TLL2: variants seen among roughly 807,000 people sequenced by gnomAD.
TLL2 encodes the protein tolloid-like protein 2.
TLL2 carries 106 observed loss-of-function variants against 123.0 expected under a neutral mutation model. The observed-to-expected ratio is 0.86, with a 90% CI of 0.74 to 1.01. The LOEUF (loss-of-function observed/expected upper bound fraction) is 1.01, where lower values mean the gene tolerates loss of function less well. Among genes scored for constraint, TLL2 ranks in the 50% least tolerant of loss-of-function variants. The pLI is 0.00. For missense variants in TLL2, 1,332 were observed against 1,336.7 expected, an observed-to-expected ratio of 1.00 and a Z score of 0.06; for synonymous variants, 494 against 516.8, an observed-to-expected ratio of 0.96 and a Z score of 0.60.
intron 7 of TLL2, 71 bp downstream of exon 7, chr10:96,420,885 C>T (rs998435484): frequency 7.1e-7 from 1 of 1,404,298 alleles, no homozygotes; most frequent in East Asian, 2.3e-5. Flanking sequence ...CTCCGCAGAC[C>T]TCCAGGAATC....
chr10:96,477,026 A>T, intron 2 of TLL2, among the ~76,000 whole-genome samples: 1 of 121,830 alleles, frequency 8.2e-6, no homozygotes, highest in African/African-American at 3.2e-5. Flanking sequence ...ATTATGAGCT[A>T]CTGGACTTTT....
At chr10:96,411,134 T>C (rs1846501115) in intron 8 of TLL2, among the ~76,000 whole-genome samples, 1 of 151,518 alleles carries the variant, frequency 6.6e-6, no homozygotes, top group Non-Finnish European at 1.5e-5. Context: ...TCCCAGCTAC[T>C]TGGGAGGCTG....
chr10:96,422,816 C>A, intron 5 of TLL2, 89 bp from the exon 6 acceptor site: 1 of 1,445,328 alleles, frequency 6.9e-7, no homozygotes, highest in Non-Finnish European at 9.6e-7. Flanking sequence ...TATGTGTGTG[C>A]GTGTGTGCAT....
chr10:96,463,005 T>C (rs1847094822), intron 2 of TLL2, among the ~76,000 whole-genome samples: 1 of 152,250 alleles, frequency 6.6e-6, no homozygotes, highest in Non-Finnish European at 1.5e-5. Context: ...GAGACTCAAA[T>C]TTTTCGTTGC....
chr10:96,378,030 G>A (rs567344252), intron 17 of TLL2, among the ~76,000 whole-genome samples: 2 of 152,382 alleles, frequency 1.3e-5, no homozygotes, highest in South Asian at 4.1e-4. Context: ...TCCCAGCTCA[G>A]TTCTTCCAGC....
chr10:96,371,336 GTAAA>G (rs1020459896), intron 19 of TLL2, among the ~76,000 whole-genome samples: 5 of 146,356 alleles, frequency 3.4e-5, no homozygotes, highest in African/African-American at 7.5e-5. Flanking sequence ...AAAAAAAAAA[GTAAA>G]TAAATAAATA....
At chr10:96,497,724 C>G (rs1173607758) in intron 1 of TLL2, among the ~76,000 whole-genome samples, 1 of 151,232 alleles carries the variant, frequency 6.6e-6, no homozygotes, top group Non-Finnish European at 1.5e-5. Context: ...TTCCCTTAAC[C>G]CTGCATCTCT....
intron 6 of TLL2, among the ~76,000 whole-genome samples, chr10:96,421,305 AAAGT>A (rs1288667782): frequency 6.6e-6 from 1 of 152,162 alleles, no homozygotes; most frequent in African/African-American, 2.4e-5. Flanking sequence ...CAAACCTCTT[AAAGT>A]AAGTTTGCAG....
chr10:96,480,606 T>G (rs1847303455), intron 1 of TLL2, 147 bp from the exon 2 acceptor site: 5 of 667,242 alleles, frequency 7.5e-6, no homozygotes, highest in African/African-American at 1.8e-5. Context: ...GCCTAAGAGA[T>G]AGGGCTGGTG....
Position 96,483,377 on chromosome 10 carries a change from A to C in TLL2, c.176-2918T>G, listed in dbSNP as rs995934967. On this transcript the variant is annotated intron_variant, in intron 1 of 20. Transcript: ENST00000357947. ...AGGGCCTCATGAAGGAACGTTCCCC[A>C]TCCTAGGCGCCTCTTGCAACATGTG... is the stretch of plus-strand genomic sequence containing the variant. 1.2e-4 allele frequency among the ~76,000 whole-genome samples: 19 copies of C among 152,200 alleles called. No individual in the cohort carries two copies. The South Asian group carries it at 2.9e-3, about 23-fold the overall frequency.
intron 16 of TLL2, among the ~76,000 whole-genome samples, chr10:96,382,197 T>C (rs1020930770): frequency 3.3e-5 from 5 of 152,336 alleles, no homozygotes; most frequent in Middle Eastern, 3.4e-3. Flanking sequence ...GCCCAGCTTA[T>C]TTTTTGCATT....
intron 16 of TLL2, among the ~76,000 whole-genome samples, chr10:96,381,230 C>T (rs1846184995): frequency 6.7e-6 from 1 of 149,020 alleles, no homozygotes; most frequent in African/African-American, 2.5e-5. Context: ...AGCCGCCTGG[C>T]CCTCCCAGCT....
chr10:96,513,366 G>T, intron 1 of TLL2, 145 bp downstream of exon 1: 1 of 1,029,738 alleles, frequency 9.7e-7, no homozygotes, highest in East Asian at 2.9e-5. Context: ...GCAATTCCTC[G>T]GAGGCATTGT....
rs1008469118 is a variant in TLL2 at position 96,479,236 on chromosome 10, G to C, written c.286+1113C>G. Among the ~76,000 whole-genome samples, 25 of 152,282 alleles carry C rather than the reference G, an allele frequency of 1.6e-4. No homozygotes were observed. In the Middle Eastern group the frequency reaches 0.014, roughly 83 times the overall value. On this transcript the variant is annotated intron_variant, in intron 2 of 20. Transcript: ENST00000357947. ...CAAGACACCAAAAAGAAATCCTAAA[G>C]TACATAATTGCCCCACCTTCCTCCC...
chr10:96,436,137 TTACAAC>T (rs1846793189), intron 3 of TLL2, among the ~76,000 whole-genome samples: 1 of 152,218 alleles, frequency 6.6e-6, no homozygotes, highest in Non-Finnish European at 1.5e-5. Flanking sequence ...ATATTCTTTG[TTACAAC>T]TACTCAACTC....
intron 2 of TLL2, among the ~76,000 whole-genome samples, chr10:96,476,794 G>C (rs1037830510): frequency 2.6e-5 from 4 of 151,614 alleles, no homozygotes; most frequent in African/African-American, 9.7e-5. Context: ...ATGATAAAGT[G>C]TTAAGTAAAA....
chr10:96,480,319 G>A (rs764683452), intron 2 of TLL2, 30 bp downstream of exon 2: 1 of 1,569,790 alleles, frequency 6.4e-7, no homozygotes, highest in South Asian at 1.1e-5. Flanking sequence ...CCTCCCATCT[G>A]GGCAGGAGAA....
chr10:96,470,556 C>A (rs1307995420), intron 2 of TLL2, among the ~76,000 whole-genome samples: 1 of 152,236 alleles, frequency 6.6e-6, no homozygotes, highest in Admixed American at 6.5e-5. Flanking sequence ...TGTGCACCCC[C>A]AGCACCTCTC....
chr10:96,485,307 G>T (rs2134106674), intron 1 of TLL2, among the ~76,000 whole-genome samples: 1 of 152,252 alleles, frequency 6.6e-6, no homozygotes, highest in African/African-American at 2.4e-5. Flanking sequence ...ATAAATTTTT[G>T]TGCATTGTGA....
Sources: allele counts gnomAD v4.1 joint callset (sites outside exome capture counted in the v4.1 genomes callset), GRCh38; gene constraint gnomAD v4.1.1; transcripts MANE v1.5; gene names NCBI Gene and HGNC (gene_info 2026-07-23, HGNC 2026-07-21).